The following CSMD1 variants were observed in gnomAD, a reference collection of about 807,000 sequenced individuals.
The protein encoded by CSMD1 is CUB and sushi domain-containing protein 1.
A neutral mutation model predicts 417.5 loss-of-function variants in CSMD1; 213 were observed. That is an observed-to-expected ratio of 0.51 (90% CI 0.46 to 0.57). CSMD1 has a LOEUF of 0.57. CSMD1 is among the 20% of genes least tolerant of loss of function. CSMD1 has a pLI of 0.00. For missense variants in CSMD1, 6,923 were observed against 4,529.7 expected (o/e 1.53, Z -15.17); for synonymous variants, 2,862 against 1,736.8 (o/e 1.65, Z -16.11).
chr8:3,198,471 G>T (rs73660608), intron 33 of CSMD1, among the ~76,000 whole-genome samples: 3,349 of 152,258 alleles, frequency 0.022, 118 homozygotes, highest in African/African-American at 0.076. Context: ...AAACTACTGG[G>T]TAATTATTTA....
intron 1 of CSMD1, among the ~76,000 whole-genome samples, chr8:4,814,475 A>C (rs1171010410): frequency 2.0e-5 from 3 of 152,176 alleles, no homozygotes; most frequent in African/African-American, 4.8e-5. Flanking sequence ...TCGAACTCCT[A>C]AAGTCAAGTG....
At chr8:3,062,116 G>A (rs182928275) in intron 49 of CSMD1, among the ~76,000 whole-genome samples, 4 of 152,206 alleles carry the variant, frequency 2.6e-5, no homozygotes, top group African/African-American at 7.2e-5. Context: ...AGGCCACATT[G>A]AATTTGAGCA....
intron 1 of CSMD1, among the ~76,000 whole-genome samples, chr8:4,829,969 C>A (rs916169896): frequency 5.3e-5 from 8 of 152,216 alleles, no homozygotes; most frequent in Admixed American, 4.6e-4. Context: ...ATTTTGCTTA[C>A]AAACATATCG....
intron 2 of CSMD1, among the ~76,000 whole-genome samples, chr8:4,555,905 C>T (rs951974212): frequency 1.3e-5 from 2 of 151,976 alleles, no homozygotes; most frequent in Non-Finnish European, 2.9e-5. Flanking sequence ...TGTATCTTTA[C>T]TGTGTAAAAT....
intron 10 of CSMD1, among the ~76,000 whole-genome samples, chr8:3,536,254 T>G (rs1798194038): frequency 6.6e-6 from 1 of 152,172 alleles, no homozygotes; most frequent in African/African-American, 2.4e-5. Context: ...ATGAGCTGAG[T>G]TAATAAGTTT....
At chr8:4,098,402 G>A (rs968282958) in intron 3 of CSMD1, among the ~76,000 whole-genome samples, 1 of 141,734 alleles carries the variant, frequency 7.1e-6, no homozygotes, top group African/African-American at 2.9e-5. Context: ...AAATGGATTT[G>A]TCATTTTTTT....
chr8:3,986,533 G>T (rs1814331833), intron 5 of CSMD1, among the ~76,000 whole-genome samples: 2 of 152,112 alleles, frequency 1.3e-5, no homozygotes, highest in South Asian at 4.1e-4. Context: ...CTACTCCCAT[G>T]ATCAGCAGAC....
chr8:4,120,179 A>C (rs887513414), intron 3 of CSMD1, among the ~76,000 whole-genome samples: 1 of 152,260 alleles, frequency 6.6e-6, no homozygotes, highest in East Asian at 1.9e-4. Context: ...ATAAATATAT[A>C]CACCTATTGT....
chr8:4,855,657 G>C (rs911288346), intron 1 of CSMD1, among the ~76,000 whole-genome samples: 6 of 152,074 alleles, frequency 3.9e-5, no homozygotes, highest in Non-Finnish European at 5.9e-5. Flanking sequence ...TGGAAGATAG[G>C]GTATCAGCGA....
At chr8:4,885,423 G>C (rs1198316244) in intron 1 of CSMD1, among the ~76,000 whole-genome samples, 1 of 152,016 alleles carries the variant, frequency 6.6e-6, no homozygotes, top group Admixed American at 6.6e-5. Context: ...ATCTTAGGGG[G>C]AAAGCGTTTA....
At chr8:4,730,105 T>A (rs1469828005) in intron 1 of CSMD1, among the ~76,000 whole-genome samples, 1 of 152,030 alleles carries the variant, frequency 6.6e-6, no homozygotes, top group African/African-American at 2.4e-5. Flanking sequence ...CCCCTTTTCG[T>A]CTCCGCACTT....
intron 1 of CSMD1, among the ~76,000 whole-genome samples, chr8:4,946,888 G>C (rs1478524614): frequency 5.9e-5 from 9 of 151,376 alleles, no homozygotes; most frequent in Non-Finnish European, 1.0e-4. Flanking sequence ...TTAATAATCA[G>C]AAAATATATG....
intron 3 of CSMD1, among the ~76,000 whole-genome samples, chr8:4,299,300 C>A (rs980686320): frequency 1.3e-5 from 2 of 152,142 alleles, no homozygotes; most frequent in South Asian, 2.1e-4. Context: ...ACCCCCATCA[C>A]CCCCAGAGAA....
chr8:2,966,458 C>A, intron 58 of CSMD1, 112 bp downstream of exon 58: 1 of 958,438 alleles, frequency 1.0e-6, no homozygotes, highest in Non-Finnish European at 1.5e-6. Context: ...TCCCTTTTTT[C>A]CTCTATGAAT....
intron 9 of CSMD1, among the ~76,000 whole-genome samples, chr8:3,576,750 C>G (rs1044830320): frequency 6.6e-6 from 1 of 152,162 alleles, no homozygotes; most frequent in East Asian, 1.9e-4. Context: ...TCTAATGAGT[C>G]TGTTTTAATG....
intron 12 of CSMD1, among the ~76,000 whole-genome samples, chr8:3,450,061 C>A (rs865846884): frequency 3.9e-5 from 6 of 152,176 alleles, no homozygotes; most frequent in African/African-American, 1.4e-4. Flanking sequence ...GGTTGAGACA[C>A]ATACGAAATT....
intron 1 of CSMD1, among the ~76,000 whole-genome samples, chr8:4,928,867 C>T (rs570205818): frequency 2.0e-5 from 3 of 151,968 alleles, no homozygotes; most frequent in Non-Finnish European, 2.9e-5. Context: ...GTTGGGAGTT[C>T]GAGACCAGCC....
chr8:3,506,731 T>C lies in CSMD1; in HGVS notation c.1345-13005A>G, dbSNP rs568620130. On this transcript the variant is annotated intron_variant, in intron 10 of 69. Coordinates refer to ENST00000635120, the MANE Select transcript of CSMD1 (RefSeq NM_033225.6). ...AAAGAAAGGAGGCAATGATTGACTG[T>C]ATAGGAGATTTCGAGATAATTCAAC... Among the ~76,000 whole-genome samples the C allele has an allele frequency of 2.6e-5, 4 of 152,346 alleles. No homozygotes were observed. In the East Asian group the frequency reaches 7.7e-4, roughly 29 times the overall value.
intron 6 of CSMD1, among the ~76,000 whole-genome samples, chr8:3,729,878 C>G (rs1339414290): frequency 7.5e-6 from 1 of 132,818 alleles, no homozygotes; most frequent in South Asian, 2.4e-4. Context: ...AAACATCACA[C>G]TGTACTCCCC....
Sources: allele counts gnomAD v4.1 joint callset (sites outside exome capture counted in the v4.1 genomes callset), GRCh38; gene constraint gnomAD v4.1.1; transcripts MANE v1.5; gene names NCBI Gene and HGNC (gene_info 2026-07-23, HGNC 2026-07-21).